Variants in BIRC6 observed in about 807,000 individuals in gnomAD.
BIRC6 encodes dual E2 ubiquitin-conjugating enzyme/E3 ubiquitin-protein ligase BIRC6.
A neutral mutation model predicts 503.3 loss-of-function variants in BIRC6; 98 were observed. The observed-to-expected ratio is 0.19, with a 90% CI of 0.17 to 0.23. The LOEUF (loss-of-function observed/expected upper bound fraction) is 0.23. Ranked by LOEUF, BIRC6 falls within the 10% of genes least tolerant of loss-of-function variation. BIRC6 has a pLI of 1.00. For missense variants in BIRC6, 5,360 were observed against 5,806.0 expected (o/e 0.92, Z 2.50); for synonymous variants, 2,240 against 2,078.7 (o/e 1.08, Z -2.11).
At chr2:32,394,020 T>TGG (rs2149601123) in intron 5 of BIRC6, among the ~76,000 whole-genome samples, 1 of 151,462 alleles carries the variant, frequency 6.6e-6, no homozygotes, top group African/African-American at 2.4e-5. Context: ...TAGGTAAGTT[T>TGG]GGAGACTGGC....
At chr2:32,568,174 A>T (rs189519528) in intron 65 of BIRC6, among the ~76,000 whole-genome samples, 2 of 151,776 alleles carry the variant, frequency 1.3e-5, no homozygotes, top group Admixed American at 1.3e-4. Flanking sequence ...TAGCCTTAAA[A>T]GGTAAGTTTT....
chr2:32,428,314 G>T (rs78713323), intron 10 of BIRC6, among the ~76,000 whole-genome samples: 3,383 of 152,282 alleles, frequency 0.022, 113 homozygotes, highest in African/African-American at 0.079. Context: ...ATGTAATTCT[G>T]TGTTAAATCC....
chr2:32,616,083 CAA>C (rs2063215974), intron 73 of BIRC6, among the ~76,000 whole-genome samples: 1 of 152,126 alleles, frequency 6.6e-6, no homozygotes, highest in Non-Finnish European at 1.5e-5. Context: ...TAGAGCAAAG[CAA>C]AGTTTATTTA....
intron 10 of BIRC6, among the ~76,000 whole-genome samples, chr2:32,422,030 T>A (rs762636674): frequency 1.3e-5 from 2 of 152,224 alleles, no homozygotes; most frequent in African/African-American, 4.8e-5. Context: ...GTTACATCGT[T>A]CTGATGTATT....
At chr2:32,525,784 T>C (rs183918234) in intron 59 of BIRC6, among the ~76,000 whole-genome samples, 156 bp downstream of exon 59, 3 of 152,270 alleles carry the variant, frequency 2.0e-5, no homozygotes, top group Non-Finnish European at 2.9e-5. Context: ...CGAAGAGAAG[T>C]GAGAGCAAAG....
intron 1 of BIRC6, among the ~76,000 whole-genome samples, chr2:32,369,996 ATG>A (rs1179794635): frequency 8.9e-6 from 1 of 111,914 alleles, no homozygotes; most frequent in Non-Finnish European, 1.8e-5. Flanking sequence ...GTATGTATGT[ATG>A]TGTGTGTATA....
intron 20 of BIRC6, among the ~76,000 whole-genome samples, chr2:32,443,808 A>C (rs1475809499): frequency 6.6e-6 from 1 of 152,222 alleles, no homozygotes; most frequent in African/African-American, 2.4e-5. Context: ...GTTAATATCA[A>C]GTCATCTCAA....
At chr2:32,509,626 T>C (rs990014786) in intron 51 of BIRC6, 112 bp from the exon 52 acceptor site, 1 of 1,196,282 alleles carries the variant, frequency 8.4e-7, no homozygotes, top group African/African-American at 1.5e-5. Context: ...ATGTCTTAGA[T>C]TGGTTAATGC....
intron 24 of BIRC6, among the ~76,000 whole-genome samples, chr2:32,463,675 A>G (rs960522086): frequency 6.6e-6 from 1 of 152,228 alleles, no homozygotes; most frequent in Non-Finnish European, 1.5e-5. Flanking sequence ...ACTAGTTACT[A>G]TTTATATGGA....
chr2:32,471,957 A>G (rs936912091), intron 32 of BIRC6, among the ~76,000 whole-genome samples: 2 of 152,350 alleles, frequency 1.3e-5, no homozygotes, highest in African/African-American at 4.8e-5. Flanking sequence ...TGGGGAATTC[A>G]TATGTATAAG....
Position 32,531,511 on chromosome 2 carries a change from C to T in BIRC6, c.12251C>T (p.Ala4084Val). ...GGAATGGGTGGACTGGCTCTTATTG[C>T]TGAAAGACTACCCATGCTATATCCA... ...FAGMGGLALI[A>V]ERLPMLYPEV... The change falls in exon 61 of 74, where the codon GCT becomes GTT. Residue 4084 changes from alanine (A) to valine (V), a missense_variant. Physicochemically the swap from Ala to Val is moderately conservative, Grantham distance 64. This residue lies in a region of BIRC6 where 878 missense variants were observed against 928.9 expected (regional missense o/e 0.95). Transcript: ENST00000421745. 1.2e-6 allele frequency: 2 copies of T among 1,613,456 alleles called. No homozygotes were observed. The highest frequency in any genetic ancestry group is 1.7e-6 in the Non-Finnish European group (2 of 1,179,654).
rs371010049 is a variant in BIRC6 at position 32,550,344 on chromosome 2, G to A, written c.13144+863G>A. On this transcript the variant is annotated intron_variant, in intron 65 of 73. Transcript: ENST00000421745. ...TGGTAAAAATATTAGTATTTCAAGGGATTATTGCCCGTATTCCCCAGTATC... is the reference window on the plus strand; with the variant it reads ...TGGTAAAAATATTAGTATTTCAAGGAATTATTGCCCGTATTCCCCAGTATC... Among the ~76,000 whole-genome samples the A allele has an allele frequency of 3.9e-5, 6 of 152,056 alleles. No individual in the cohort carries two copies. The East Asian group carries it at 7.7e-4, about 20-fold the overall frequency.
At position 32,446,368 on chromosome 2, in the gene BIRC6, G is replaced by A. The variant is rs118097900; in HGVS notation, c.4484+700G>A. 3.3e-5 allele frequency among the ~76,000 whole-genome samples: 5 copies of A among 152,292 alleles called. No individual in the cohort carries two copies. In the East Asian group the frequency reaches 5.8e-4, roughly 18 times the overall value. ...CTACTTGTATTTCAAAACTTCTAAC[G>A]TGATGAATTAAGCAATAGCAAAAGG... On this transcript the variant is annotated intron_variant, in intron 21 of 73. Transcript: ENST00000421745.
At chr2:32,425,071 T>C (rs2043334397) in intron 10 of BIRC6, among the ~76,000 whole-genome samples, 1 of 150,354 alleles carries the variant, frequency 6.7e-6, no homozygotes, top group African/African-American at 2.4e-5. Context: ...CGTAGAAATA[T>C]CTATTCATGT....
chr2:32,433,060 A>G (rs149554047), intron 12 of BIRC6, among the ~76,000 whole-genome samples: 317 of 152,280 alleles, frequency 2.1e-3, no homozygotes, highest in African/African-American at 7.2e-3. Flanking sequence ...GATGTATTGA[A>G]CATATTGTGT....
chr2:32,482,993 C>G lies in BIRC6; in HGVS notation c.7696+411C>G, dbSNP rs201404303. ...GGTGCAGTGATGTGATCCCATCTCA[C>G]CGCAACCGCTGCCTCCCAGGTCGAG... On this transcript the variant is annotated intron_variant, in intron 39 of 73. Coordinates refer to ENST00000421745, the MANE Select transcript of BIRC6 (RefSeq NM_016252.4). Among the ~76,000 whole-genome samples the G allele has an allele frequency of 2.6e-5, 4 of 151,630 alleles. No individual in the cohort carries two copies. The East Asian group carries it at 7.7e-4, about 29-fold the overall frequency.
chr2:32,521,998 T>C (rs1452699970), intron 57 of BIRC6: 1 of 152,044 alleles, frequency 6.6e-6, no homozygotes, highest in East Asian at 1.9e-4. Context: ...TTGCCTCCCC[T>C]TTTTTTATAA....
intron 16 of BIRC6, among the ~76,000 whole-genome samples, chr2:32,440,624 A>G (rs2045312627): frequency 6.6e-6 from 1 of 152,136 alleles, no homozygotes; most frequent in Admixed American, 6.5e-5. Context: ...AATCTTCATT[A>G]TAACTCTGAA....
intron 1 of BIRC6, among the ~76,000 whole-genome samples, chr2:32,368,011 A>G (rs1332367104): frequency 1.3e-5 from 2 of 152,178 alleles, no homozygotes; most frequent in East Asian, 1.9e-4. Flanking sequence ...TTGTTTATGT[A>G]CTTTTACTTT....
Sources: allele counts gnomAD v4.1 joint callset (sites outside exome capture counted in the v4.1 genomes callset), GRCh38; gene constraint gnomAD v4.1.1; regional missense constraint gnomAD v4.1.1; transcripts MANE v1.5; gene names NCBI Gene and HGNC (gene_info 2026-07-23, HGNC 2026-07-21).